ZNF679: variants seen among roughly 807,000 people sequenced by gnomAD.
ZNF679 encodes hypothetical protein MGC42415.
A neutral mutation model predicts 13.4 loss-of-function variants in ZNF679; 10 were observed. The ratio of observed to expected loss-of-function variants is 0.75; its 90% CI spans 0.46 to 1.27. The LOEUF is 1.27. ZNF679 is among the 50% of genes most tolerant of loss of function. The pLI is 0.00. For missense variants in ZNF679, 525 were observed against 477.8 expected (o/e 1.10, Z -0.92); for synonymous variants, 179 against 162.5 (o/e 1.10, Z -0.77).
At chr7:64,241,359 C>A (rs1325935690) in intron 1 of ZNF679, among the ~76,000 whole-genome samples, 1 of 152,222 alleles carries the variant, frequency 6.6e-6, no homozygotes, top group East Asian at 1.9e-4. Flanking sequence ...GGTTGCATCA[C>A]CTGGGTGCTG....
intron 1 of ZNF679, among the ~76,000 whole-genome samples, chr7:64,235,150 T>A (rs1787691729): frequency 6.6e-6 from 1 of 152,172 alleles, no homozygotes; most frequent in African/African-American, 2.4e-5. Flanking sequence ...ATCAACTTTT[T>A]AAATTATAAT....
At chr7:64,235,507 G>A (rs964601909) in intron 1 of ZNF679, among the ~76,000 whole-genome samples, 3 of 151,992 alleles carry the variant, frequency 2.0e-5, no homozygotes, top group Non-Finnish European at 4.4e-5. Flanking sequence ...AAAAAAAATA[G>A]GCCAGGCTAG....
intron 1 of ZNF679, among the ~76,000 whole-genome samples, chr7:64,244,601 C>A (rs1787841202): frequency 1.3e-5 from 2 of 152,162 alleles, no homozygotes; most frequent in Non-Finnish European, 2.9e-5. Flanking sequence ...AATCTAGAAT[C>A]TTCAAAGTAG....
chr7:64,257,025 C>T (rs1788013620), intron 2 of ZNF679, among the ~76,000 whole-genome samples: 1 of 152,120 alleles, frequency 6.6e-6, no homozygotes, highest in African/African-American at 2.4e-5. Context: ...ATTTATGTCT[C>T]ACCTTCTTAA....
chr7:64,233,673 G>C (rs17766800), intron 1 of ZNF679, among the ~76,000 whole-genome samples: 32,577 of 152,006 alleles, frequency 0.21, 4,544 homozygotes, highest in Non-Finnish European at 0.3. Context: ...AACAGGGGAA[G>C]GTGGAATAAG....
chr7:64,236,975 A>AAGAAAGAAAGAAAGAG (rs201487010), intron 1 of ZNF679, among the ~76,000 whole-genome samples: 343 of 16,264 alleles, frequency 0.021, 11 homozygotes, highest in African/African-American at 0.041. Context: ...GAAAGAAAGA[A>AAGAAAGAAAGAAAGAG]AAAGAAAGAA....
intron 1 of ZNF679, among the ~76,000 whole-genome samples, chr7:64,242,652 C>G (rs920211405): frequency 6.6e-6 from 1 of 152,284 alleles, no homozygotes; most frequent in Admixed American, 6.5e-5. Context: ...TTTTAACAGT[C>G]AGCTGAGTGT....
intron 1 of ZNF679, among the ~76,000 whole-genome samples, chr7:64,236,991 GAA>G (rs1417612405): frequency 5.9e-5 from 3 of 51,058 alleles, no homozygotes; most frequent in East Asian, 1.2e-3. Flanking sequence ...AAGAAAGAAA[GAA>G]AGAAAGAAAA....
chr7:64,249,339 A>G (rs1787912591), intron 2 of ZNF679, among the ~76,000 whole-genome samples, 183 bp downstream of exon 2: 1 of 152,178 alleles, frequency 6.6e-6, no homozygotes, highest in South Asian at 2.1e-4. Context: ...GCCAGCGGCT[A>G]GGACCCTAGG....
chr7:64,257,481 GC>G (rs1289860881), intron 2 of ZNF679, among the ~76,000 whole-genome samples: 1 of 151,764 alleles, frequency 6.6e-6, no homozygotes, highest in Non-Finnish European at 1.5e-5. Flanking sequence ...AAAATGCTGT[GC>G]TCTTAATCCA....
Position 64,254,058 on chromosome 7 carries a change from T to G in ZNF679, c.39+4902T>G, listed in dbSNP as rs77898669. ...TAAGTCATAATGGGGAGAACGTTTC[T>G]TTCTGTTAAGCTGTTGCTGAAGACC... On this transcript the variant is annotated intron_variant, in intron 2 of 4. Coordinates refer to ENST00000421025, the MANE Select transcript of ZNF679 (RefSeq NM_153363.3). Among the ~76,000 whole-genome samples the G allele has an allele frequency of 1.4e-4, 21 of 152,296 alleles. 1 individual carries two copies. The highest frequency in any genetic ancestry group is 5.1e-4 in the African/African-American group (21 of 41,574).
At chr7:64,236,975 A>AAGAAAGAAAGAAAAAG (rs201487010) in intron 1 of ZNF679, among the ~76,000 whole-genome samples, 107 of 16,228 alleles carry the variant, frequency 6.6e-3, no homozygotes, top group Non-Finnish European at 9.1e-3. Flanking sequence ...GAAAGAAAGA[A>AAGAAAGAAAGAAAAAG]AAAGAAAGAA....
At chr7:64,246,426 A>G (rs1787870697) in intron 1 of ZNF679, among the ~76,000 whole-genome samples, 1 of 152,164 alleles carries the variant, frequency 6.6e-6, no homozygotes, top group African/African-American at 2.4e-5. Flanking sequence ...TGGATCTCGT[A>G]CAAGAAAGAA....
rs375418780 is a variant in ZNF679 at position 64,265,069 on chromosome 7, CTT to C, written c.263-825_263-824del. On this transcript the variant is annotated intron_variant, in intron 4 of 4. Coordinates refer to ENST00000421025, the MANE Select transcript of ZNF679 (RefSeq NM_153363.3). ...ATGTTTTTAAAATTAATATATGCCT[CTT>C]TATTTTTGTAGTTGCTTTTTCAAAA... 5.5e-3 allele frequency among the ~76,000 whole-genome samples: 841 copies of C among 152,030 alleles called. 5 individuals are homozygous for C. The highest frequency in any genetic ancestry group is 0.018 in the South Asian group (88 of 4,814).
intron 1 of ZNF679, among the ~76,000 whole-genome samples, chr7:64,246,421 C>T (rs1235585771): frequency 2.6e-5 from 4 of 152,062 alleles, no homozygotes; most frequent in Admixed American, 2.6e-4. Context: ...GTTCTTGGAT[C>T]TCGTACAAGA....
At chr7:64,264,469 T>TTA (rs1317786120) in intron 4 of ZNF679, among the ~76,000 whole-genome samples, 2 of 152,124 alleles carry the variant, frequency 1.3e-5, no homozygotes, top group Non-Finnish European at 2.9e-5. Flanking sequence ...TTTCAGAAAG[T>TTA]TATATATTTT....
At chr7:64,240,758 T>C (rs984737058) in intron 1 of ZNF679, among the ~76,000 whole-genome samples, 2 of 152,156 alleles carry the variant, frequency 1.3e-5, no homozygotes, top group African/African-American at 2.4e-5. Flanking sequence ...ACCCAGTCAA[T>C]AGCAGAAATT....
At chr7:64,237,897 T>C (rs140793179) in intron 1 of ZNF679, among the ~76,000 whole-genome samples, 34 of 152,192 alleles carry the variant, frequency 2.2e-4, no homozygotes, top group African/African-American at 8.2e-4. Context: ...AAAAAATGTA[T>C]AGGGCACAGA....
At chr7:64,232,138 G>A (rs533024105) in intron 1 of ZNF679, among the ~76,000 whole-genome samples, 3 of 152,302 alleles carry the variant, frequency 2.0e-5, no homozygotes, top group African/African-American at 7.2e-5. Flanking sequence ...GAGCAGAGAT[G>A]GTGAGACTGC....
Sources: gnomAD v4.1 joint callset for allele counts (sites outside exome capture counted in the v4.1 genomes callset) on GRCh38, gnomAD v4.1.1 for gene constraint, MANE v1.5 for transcripts, NCBI Gene and HGNC (gene_info 2026-07-23, HGNC 2026-07-21) for gene names.